Variants in SMYD3 observed in about 807,000 individuals in gnomAD.
The protein encoded by SMYD3 is histone-lysine N-methyltransferase SMYD3.
A neutral mutation model predicts 57.7 loss-of-function variants in SMYD3; 36 were observed. The ratio of observed to expected loss-of-function variants is 0.62; its 90% confidence interval spans 0.48 to 0.82. SMYD3 has a LOEUF of 0.82. Among genes scored for constraint, SMYD3 ranks in the 40% least tolerant of loss-of-function variants. The pLI, the probability that SMYD3 is intolerant of heterozygous loss-of-function variation, is 0.00. For synonymous variants in SMYD3, 211 were observed against 195.0 expected, an observed-to-expected ratio of 1.08 and a Z score of -0.68; for missense variants, 515 against 538.8, an observed-to-expected ratio of 0.96 and a Z score of 0.44.
intron 11 of SMYD3, among the ~76,000 whole-genome samples, chr1:245,750,789 A>G (rs551776609): frequency 6.6e-6 from 1 of 152,286 alleles, no homozygotes; most frequent in South Asian, 2.1e-4. Flanking sequence ...TTTGATGTAA[A>G]TGTGCCCAGG....
chr1:246,157,294 A>G (rs868469527), intron 5 of SMYD3, among the ~76,000 whole-genome samples: 1 of 152,170 alleles, frequency 6.6e-6, no homozygotes, highest in Non-Finnish European at 1.5e-5. Flanking sequence ...ACTGAGGCAG[A>G]GCGATAATTA....
chr1:246,250,507 T>C (rs766804739), intron 5 of SMYD3, among the ~76,000 whole-genome samples: 5 of 152,310 alleles, frequency 3.3e-5, no homozygotes, highest in South Asian at 4.1e-4. Flanking sequence ...TATATTTATA[T>C]AGCACCTTGA....
chr1:246,296,827 A>T (rs1190101994), intron 5 of SMYD3, among the ~76,000 whole-genome samples: 1 of 152,224 alleles, frequency 6.6e-6, no homozygotes, highest in African/African-American at 2.4e-5. Flanking sequence ...TTAATGAATC[A>T]TTTATGTATT....
intron 5 of SMYD3, among the ~76,000 whole-genome samples, chr1:246,057,090 C>G (rs2060164779): frequency 6.6e-6 from 1 of 152,168 alleles, no homozygotes; most frequent in Non-Finnish European, 1.5e-5. Flanking sequence ...ACTCCAAGTT[C>G]AAGTCCATCC....
intron 5 of SMYD3, among the ~76,000 whole-genome samples, chr1:246,292,699 C>G (rs965351676): frequency 6.6e-6 from 1 of 152,144 alleles, no homozygotes; most frequent in African/African-American, 2.4e-5. Context: ...TTACAAGCTT[C>G]CCTTAAACAG....
At chr1:245,943,464 T>C (rs1028636431) in intron 5 of SMYD3, among the ~76,000 whole-genome samples, 7 of 152,108 alleles carry the variant, frequency 4.6e-5, no homozygotes, top group Admixed American at 1.3e-4. Context: ...AATAGATCAG[T>C]AACAAGTTCC....
chr1:246,322,754 C>G (rs554727648), intron 5 of SMYD3, among the ~76,000 whole-genome samples: 1 of 152,154 alleles, frequency 6.6e-6, no homozygotes, highest in African/African-American at 2.4e-5. Flanking sequence ...AATAAAGCTG[C>G]AAGTAATTTG....
In SMYD3 at chr1:246,066,391, T is replaced by C. The variant is rs80186465; in HGVS notation, c.532-136454A>G. ...AAAGCTGCTGAAAACTGTTTCTTCA[T>C]GTAGGTTAAGAATTAGTCTTCCAAT... On this transcript the variant is annotated intron_variant, in intron 5 of 11. Transcript: ENST00000490107. Among the ~76,000 whole-genome samples, 468 of 152,026 alleles carry C rather than the reference T, an allele frequency of 3.1e-3. 2 individuals carry two copies. The highest frequency in any genetic ancestry group is 5.1e-3 in the Non-Finnish European group (347 of 68,016).
At chr1:245,930,302 G>A (rs561335821) in intron 5 of SMYD3, 3 of 362,758 alleles carry the variant, frequency 8.3e-6, no homozygotes, top group South Asian at 6.5e-5. Flanking sequence ...CTAGACTCCT[G>A]CTGTATCACG....
intron 5 of SMYD3, among the ~76,000 whole-genome samples, chr1:246,226,416 G>T (rs2063331264): frequency 6.6e-6 from 1 of 152,140 alleles, no homozygotes; most frequent in African/African-American, 2.4e-5. Context: ...ATCTACATGA[G>T]ACCTAAGATA....
chr1:246,094,254 A>C (rs2060875212), intron 5 of SMYD3, among the ~76,000 whole-genome samples: 1 of 152,172 alleles, frequency 6.6e-6, no homozygotes, highest in Non-Finnish European at 1.5e-5. Flanking sequence ...AAGACAGGGA[A>C]AGGTACCTCA....
chr1:246,100,424 G>A (rs191444588), intron 5 of SMYD3, among the ~76,000 whole-genome samples: 43 of 152,264 alleles, frequency 2.8e-4, no homozygotes, highest in African/African-American at 8.9e-4. Flanking sequence ...GCCTGTGGAC[G>A]TCTCCACTGG....
At chr1:246,233,632 A>G (rs201745201) in intron 5 of SMYD3, among the ~76,000 whole-genome samples, 65 of 97,768 alleles carry the variant, frequency 6.6e-4, no homozygotes, top group African/African-American at 1.4e-3. Flanking sequence ...GAGGAGAAGC[A>G]CTCCTCAATT....
chr1:246,106,540 A>G (rs1458054706), intron 5 of SMYD3, among the ~76,000 whole-genome samples: 1 of 152,216 alleles, frequency 6.6e-6, no homozygotes, highest in African/African-American at 2.4e-5. Flanking sequence ...GGTTACATAC[A>G]TCACACTGAC....
At chr1:246,142,759 AG>A (rs1027504743) in intron 5 of SMYD3, among the ~76,000 whole-genome samples, 1 of 152,206 alleles carries the variant, frequency 6.6e-6, no homozygotes, top group Admixed American at 6.5e-5. Flanking sequence ...ACCTCAGATA[AG>A]GGGGGCACTG....
intron 5 of SMYD3, among the ~76,000 whole-genome samples, chr1:246,183,044 T>C (rs185513287): frequency 5.3e-5 from 8 of 152,304 alleles, no homozygotes; most frequent in Non-Finnish European, 1.0e-4. Context: ...TTTAACTTTA[T>C]CTTCTAAGTC....
chr1:245,915,676 C>G (rs1468511033), intron 7 of SMYD3, 36 bp from the exon 8 acceptor site: 2 of 1,307,016 alleles, frequency 1.5e-6, no homozygotes, highest in Non-Finnish European at 2.2e-6. Flanking sequence ...GCTGAAACAT[C>G]TGCTGTGCTC....
At chr1:246,333,755 A>G (rs1409235336) in intron 3 of SMYD3, among the ~76,000 whole-genome samples, 2 of 151,820 alleles carry the variant, frequency 1.3e-5, no homozygotes, top group African/African-American at 4.8e-5. Flanking sequence ...GCGTGGTGGC[A>G]TGCACCTGTG....
chr1:246,274,347 C>T (rs976157113), intron 5 of SMYD3, among the ~76,000 whole-genome samples: 4 of 152,130 alleles, frequency 2.6e-5, no homozygotes, highest in African/African-American at 4.8e-5. Flanking sequence ...CCAAGCTTCA[C>T]ATCTGGGCTT....
Sources: gnomAD v4.1 joint callset for allele counts (sites outside exome capture counted in the v4.1 genomes callset) on GRCh38, gnomAD v4.1.1 for gene constraint, MANE v1.5 for transcripts, NCBI Gene and HGNC (gene_info 2026-07-23, HGNC 2026-07-21) for gene names.